DENND1B: variants seen among roughly 807,000 people sequenced by gnomAD.
DENND1B encodes the protein DENN domain containing 1B.
DENND1B carries 59 observed loss-of-function variants against 90.1 expected under a neutral mutation model. The ratio of observed to expected loss-of-function variants is 0.65; its 90% CI spans 0.53 to 0.81. The LOEUF (loss-of-function observed/expected upper bound fraction) is 0.81. Ranked by LOEUF, DENND1B falls within the 40% of genes least tolerant of loss-of-function variation. DENND1B has a pLI of 0.00. For missense variants in DENND1B, 862 were observed against 912.6 expected (o/e 0.94, Z 0.71); for synonymous variants, 337 against 324.6 (o/e 1.04, Z -0.41).
intron 3 of DENND1B, among the ~76,000 whole-genome samples, chr1:197,699,783 A>T (rs1571407256): frequency 6.6e-6 from 1 of 152,148 alleles, no homozygotes; most frequent in Non-Finnish European, 1.5e-5. Flanking sequence ...AGAGAATAAT[A>T]TAAACACCTC....
At chr1:197,599,195 G>A (rs79880474) in intron 13 of DENND1B, among the ~76,000 whole-genome samples, 2,623 of 151,880 alleles carry the variant, frequency 0.017, 82 homozygotes, top group African/African-American at 0.06. Context: ...AAGTAATGAA[G>A]TAATTATACC....
chr1:197,626,998 T>C (rs1200035323), intron 10 of DENND1B, among the ~76,000 whole-genome samples: 1 of 152,164 alleles, frequency 6.6e-6, no homozygotes, highest in South Asian at 2.1e-4. Context: ...AATCTCTGAA[T>C]AGACCAATAA....
chr1:197,694,973 T>C (rs1478795372), intron 3 of DENND1B, among the ~76,000 whole-genome samples: 2 of 151,274 alleles, frequency 1.3e-5, no homozygotes, highest in South Asian at 2.1e-4. Flanking sequence ...GATGAAATAT[T>C]CCAGCAAATA....
chr1:197,535,153 A>C (rs893176111), intron 20 of DENND1B, among the ~76,000 whole-genome samples: 1 of 152,194 alleles, frequency 6.6e-6, no homozygotes, highest in Non-Finnish European at 1.5e-5. Flanking sequence ...TAAGTGGCTC[A>C]ATTCTCAGGA....
intron 14 of DENND1B, among the ~76,000 whole-genome samples, chr1:197,584,966 C>A (rs1454136708): frequency 6.6e-6 from 1 of 152,192 alleles, no homozygotes; most frequent in Non-Finnish European, 1.5e-5. Flanking sequence ...AGTCACCAAC[C>A]TAGCCTATTA....
chr1:197,657,757 A>G (rs1037402820), intron 6 of DENND1B, among the ~76,000 whole-genome samples: 1 of 152,082 alleles, frequency 6.6e-6, no homozygotes, highest in Non-Finnish European at 1.5e-5. Context: ...TTAGGTATAT[A>G]CCCAAAAGGA....
intron 2 of DENND1B, chr1:197,734,435 A>G: frequency 1.0e-6 from 1 of 985,040 alleles, no homozygotes; most frequent in Non-Finnish European, 1.2e-6. Flanking sequence ...AATTTAAACC[A>G]ATAGCAACAA....
intron 2 of DENND1B, among the ~76,000 whole-genome samples, chr1:197,718,391 T>TAAAA (rs10639382): frequency 7.0e-6 from 1 of 143,242 alleles, no homozygotes; most frequent in Non-Finnish European, 1.5e-5. Flanking sequence ...CTTAAAAATG[T>TAAAA]AAAAAAAAAA....
intron 2 of DENND1B, among the ~76,000 whole-genome samples, chr1:197,750,849 G>C (rs968113786): frequency 6.6e-6 from 1 of 152,108 alleles, no homozygotes; most frequent in Non-Finnish European, 1.5e-5. Context: ...GAGAGACAGA[G>C]AGAAATTTCA....
At chr1:197,727,764 C>G (rs1661780535) in intron 2 of DENND1B, among the ~76,000 whole-genome samples, 1 of 152,046 alleles carries the variant, frequency 6.6e-6, no homozygotes, top group South Asian at 2.1e-4. Context: ...AGAAGGATCA[C>G]AAGAGACCTT....
chr1:197,715,015 A>C lies in DENND1B; in HGVS notation c.126+16T>G. 6.2e-7 allele frequency: 1 copy of C among 1,602,994 alleles called. No homozygotes were observed. Among genetic ancestry groups the C allele is most frequent in the Non-Finnish European group, 8.5e-7 (1 of 1,171,210 alleles). ...ACTTCAACTTTAAATTTTTTAAAAA[A>C]TTATGTGGTACCAACCTGGTCTCCA... On this transcript the variant is annotated intron_variant, in intron 3 of 22. Transcript: ENST00000620048.
Position 197,770,820 on chromosome 1 carries a change from G to GTAAATATATATCTATAAATATATA in DENND1B, c.82+2024_82+2047dup, listed in dbSNP as rs56917586. On this transcript the variant is annotated intron_variant, in intron 2 of 22. Coordinates refer to ENST00000620048, the MANE Select transcript of DENND1B (RefSeq NM_001195215.2). Reference sequence around the variant, plus strand: ...TATAAATATATATATAAATATATATGTAAATATATATCTATAAATATATAT... The same window carrying GTAAATATATATCTATAAATATATA: ...TATAAATATATATATAAATATATATGTAAATATATATCTATAAATATATATAAATATATATCTATAAATATATAT... Among the ~76,000 whole-genome samples, 851 of 126,604 alleles carry GTAAATATATATCTATAAATATATA rather than the reference G, an allele frequency of 6.7e-3. 12 individuals are homozygous for GTAAATATATATCTATAAATATATA. The highest frequency in any genetic ancestry group is 0.024 in the African/African-American group (779 of 31,956). 83.1% of individuals were successfully genotyped at this position (126,604 alleles called of 152,430 possible).
intron 11 of DENND1B, among the ~76,000 whole-genome samples, chr1:197,616,812 C>G (rs1034318710): frequency 2.0e-5 from 3 of 151,022 alleles, no homozygotes; most frequent in African/African-American, 7.3e-5. Flanking sequence ...AAATTGTTTC[C>G]TTCTATGTGT....
At chr1:197,693,072 T>C (rs1658070743) in intron 3 of DENND1B, among the ~76,000 whole-genome samples, 1 of 151,704 alleles carries the variant, frequency 6.6e-6, no homozygotes, top group Non-Finnish European at 1.5e-5. Flanking sequence ...TTGCAAACTT[T>C]AGAATCAGGG....
intron 2 of DENND1B, among the ~76,000 whole-genome samples, chr1:197,733,435 A>AT (rs1662333139): frequency 6.6e-6 from 1 of 152,100 alleles, no homozygotes. Flanking sequence ...TTACCAGCTT[A>AT]TTTTACGGTC....
intron 3 of DENND1B, among the ~76,000 whole-genome samples, chr1:197,686,042 A>G (rs1301121045): frequency 6.6e-6 from 1 of 152,184 alleles, no homozygotes; most frequent in Non-Finnish European, 1.5e-5. Context: ...GCCATCAAAG[A>G]GCCCTCACCA....
intron 2 of DENND1B, among the ~76,000 whole-genome samples, chr1:197,764,300 T>C (rs756099394): frequency 3.9e-4 from 59 of 152,278 alleles, no homozygotes; most frequent in Middle Eastern, 6.8e-3. Context: ...AAATGGAAGA[T>C]GTAGGCTCTT....
intron 13 of DENND1B, chr1:197,605,588 A>C (rs1676602654): frequency 6.6e-6 from 1 of 151,142 alleles, no homozygotes; most frequent in Non-Finnish European, 1.5e-5. Context: ...TTCTATTTTC[A>C]TAATTATTTC....
intron 3 of DENND1B, among the ~76,000 whole-genome samples, chr1:197,685,383 T>A (rs1657129418): frequency 6.6e-6 from 1 of 152,190 alleles, no homozygotes. Flanking sequence ...GGTCAGTTGT[T>A]ATACTTTCAG....
Sources: gnomAD v4.1 joint callset for allele counts (sites outside exome capture counted in the v4.1 genomes callset) on GRCh38, gnomAD v4.1.1 for gene constraint, MANE v1.5 for transcripts, NCBI Gene and HGNC (gene_info 2026-07-23, HGNC 2026-07-21) for gene names.